The following RANBP3 variants were observed in gnomAD, a reference collection of about 807,000 sequenced individuals.
RANBP3 encodes ran-binding protein 3.
Under a neutral mutation model 77.3 loss-of-function variants are expected in RANBP3, and 14 were observed. The ratio of observed to expected loss-of-function variants is 0.18; its 90% CI spans 0.12 to 0.28. RANBP3 has a LOEUF of 0.28. Among genes scored for constraint, RANBP3 ranks in the 10% least tolerant of loss-of-function variants. RANBP3 has a pLI of 1.00. For missense variants in RANBP3, 586 were observed against 752.3 expected (o/e 0.78, Z 2.59); for synonymous variants, 315 against 312.4 (o/e 1.01, Z -0.09).
At chr19:5,940,755 G>A (rs1388710749) in intron 5 of RANBP3, among the ~76,000 whole-genome samples, 1 of 152,250 alleles carries the variant, frequency 6.6e-6, no homozygotes, top group Non-Finnish European at 1.5e-5. Context: ...GTATGTCCAA[G>A]TTGGCACTAC....
chr19:5,931,307 G>C, intron 8 of RANBP3, 97 bp downstream of exon 8: 2 of 1,428,892 alleles, frequency 1.4e-6, no homozygotes, highest in Non-Finnish European at 1.9e-6. Flanking sequence ...CTTGGAACAG[G>C]TGACAGCGTG....
chr19:5,948,444 C>T (rs2058235290), intron 3 of RANBP3, among the ~76,000 whole-genome samples: 1 of 149,454 alleles, frequency 6.7e-6, no homozygotes, highest in African/African-American at 2.5e-5. Flanking sequence ...CAGAGCGAGA[C>T]TCCATGTCAA....
intron 6 of RANBP3, chr19:5,932,762 C>T: frequency 1.8e-6 from 1 of 566,326 alleles, no homozygotes; most frequent in Non-Finnish European, 3.2e-6. Context: ...CAGTGACCGA[C>T]GCCTGTGAAT....
At chr19:5,977,250 G>A (rs1317629689) in intron 1 of RANBP3, among the ~76,000 whole-genome samples, 1 of 152,028 alleles carries the variant, frequency 6.6e-6, no homozygotes, top group African/African-American at 2.4e-5. Flanking sequence ...AAGCTACAGC[G>A]ATGGCAACAC....
chr19:5,932,818 C>CTGT lies in RANBP3; in HGVS notation c.473-275_473-274insACA. 3 of 474,308 alleles carry CTGT rather than the reference C, an allele frequency of 6.3e-6. No individual in the cohort carries two copies. The South Asian group carries it at 7.2e-5, about 11-fold the overall frequency. The allele number at this position is 474,308 out of a possible 1,614,324, so 29.4% of individuals were successfully genotyped here. ...CGTGGCGGGGCGCCGGCAGACTCAA[C>CTGT]AGTCAAGTGGAGACTGTGGGAGGAG... On this transcript the variant is annotated intron_variant, in intron 6 of 16. Transcript: ENST00000340578.
intron 1 of RANBP3, among the ~76,000 whole-genome samples, chr19:5,969,038 G>A (rs1443173085): frequency 3.3e-5 from 5 of 152,190 alleles, no homozygotes; most frequent in African/African-American, 1.2e-4. Context: ...GTGAAGGCAG[G>A]GGATCCCAGG....
rs1394133146 is a variant in RANBP3, at chr19:5,921,591, T to C, written c.1210-270A>G. Among the ~76,000 whole-genome samples, 2 of 152,218 alleles carry C rather than the reference T, an allele frequency of 1.3e-5. No individual in the cohort carries two copies. The highest frequency in any genetic ancestry group is 2.1e-4 in the South Asian group (1 of 4,834). ...GCGCACTCTAGGACGGCTATACCCA[T>C]GTGGGGAAGCTGGAACCCTCACACA... is the stretch of plus-strand genomic sequence containing the variant. On this transcript the variant is annotated intron_variant, in intron 13 of 16. Transcript: ENST00000340578. The surrounding 1 kb of genome is among the most constrained non-coding windows in gnomAD (Gnocchi z 5.3).
Position 5,933,659 on chromosome 19 carries a change from G to C in RANBP3, c.407-180C>G, listed in dbSNP as rs75234676. On this transcript the variant is annotated intron_variant, in intron 5 of 16. Coordinates refer to ENST00000340578, the MANE Select transcript of RANBP3 (RefSeq NM_007322.3). ...CGATCAGCAGGCCTGGAAGGCGCCT[G>C]GAGGAGGGGAGAGACAAGGGCAGGA... The C allele has an allele frequency of 7.0e-3, 3,776 of 542,720 alleles. 118 individuals carry two copies. Among genetic ancestry groups the C allele is most frequent in the African/African-American group, 0.067 (3,445 of 51,510 alleles). The allele number at this position is 542,720 out of a possible 1,614,324, so 33.6% of individuals were successfully genotyped here.
At chr19:5,953,715 G>T (rs1422535946) in intron 2 of RANBP3, among the ~76,000 whole-genome samples, 2 of 152,190 alleles carry the variant, frequency 1.3e-5, no homozygotes, top group Non-Finnish European at 2.9e-5. Flanking sequence ...AGGCAGTTAA[G>T]AAAGAAAGGT....
rs369320103 is a variant in RANBP3, at chr19:5,933,406, C to T, written c.472+8G>A. Reference sequence around the variant, plus strand: ...CCACCCCCCGCCCCAGGGAGGTAGACGACCTACCTGCGCTGGGGGCTTGGC... The same window carrying T: ...CCACCCCCCGCCCCAGGGAGGTAGATGACCTACCTGCGCTGGGGGCTTGGC... On this transcript the variant is annotated splice_region_variant and intron_variant, in intron 6 of 16. Transcript: ENST00000340578. 2.2e-5 allele frequency: 35 copies of T among 1,607,588 alleles called. No individual in the cohort carries two copies. The highest frequency in any genetic ancestry group is 1.7e-4 in the Middle Eastern group (1 of 6,056).
rs191712763 is a variant in RANBP3 at position 5,917,843 on chromosome 19, G to A, written c.1611C>T (p.Asp537=). Reference sequence around the variant, plus strand: ...CCAGGACATCGTCATCGTCGCTGTCGTCCTCCTCGTTGGATGGGGCTGCCC... The same window carrying A: ...CCAGGACATCGTCATCGTCGCTGTCATCCTCCTCGTTGGATGGGGCTGCCC... The part of the protein sequence containing the change: ...EPGAAPSNEE[D]DSDDDDVLAP... The change falls in exon 16 of 17, where the codon GAC becomes GAT. Residue 537 remains aspartate (D), a synonymous_variant. Transcript: ENST00000340578. The A allele has an allele frequency of 2.4e-5, 38 of 1,612,702 alleles. No homozygotes were observed. In the Admixed American group the frequency reaches 2.5e-4, roughly 11 times the overall value.
At chr19:5,945,655 G>A (rs918363147) in intron 3 of RANBP3, among the ~76,000 whole-genome samples, 27 of 152,028 alleles carry the variant, frequency 1.8e-4, no homozygotes, top group African/African-American at 5.6e-4. Context: ...CAACTCTTAC[G>A]GTTGACTCGA....
chr19:5,969,849 C>T (rs978515717), intron 1 of RANBP3, among the ~76,000 whole-genome samples: 1 of 152,256 alleles, frequency 6.6e-6, no homozygotes, highest in Non-Finnish European at 1.5e-5. Context: ...AAAGACTGTT[C>T]TTCCTGAAGA....
In RANBP3 at chr19:5,917,568, C is replaced by G; in HGVS notation, c.*42G>C. On this transcript the variant is annotated 3_prime_UTR_variant, in exon 17 of 17. Coordinates refer to ENST00000340578, the MANE Select transcript of RANBP3 (RefSeq NM_007322.3). ...GGGGGCGGGTGGGCGGGTGGATAGACGGACAAAGCAGCAGCCTGGTGTGCA... is the reference window on the plus strand; with the variant it reads ...GGGGGCGGGTGGGCGGGTGGATAGAGGGACAAAGCAGCAGCCTGGTGTGCA... 1 of 1,537,006 alleles carries G rather than the reference C, an allele frequency of 6.5e-7. No homozygotes were observed. The highest frequency in any genetic ancestry group is 2.4e-5 in the East Asian group (1 of 41,652).
chr19:5,933,334 G>A (rs1599738918), intron 6 of RANBP3, 80 bp downstream of exon 6: 15 of 1,147,498 alleles, frequency 1.3e-5, no homozygotes, highest in East Asian at 5.3e-5. Context: ...GGCTGAGCCC[G>A]CGGTGCCCTG....
intron 1 of RANBP3, among the ~76,000 whole-genome samples, chr19:5,961,382 G>A (rs989441798): frequency 6.6e-6 from 1 of 151,272 alleles, no homozygotes. Flanking sequence ...CTGCACTCCA[G>A]CCTGGGTGAC....
chr19:5,925,678 G>A lies in RANBP3; in HGVS notation c.873C>T (p.Asp291=). Residue 291 remains aspartate, a synonymous_variant, in exon 10 of 17, where the codon GAC becomes GAT. Coordinates refer to ENST00000340578, the MANE Select transcript of RANBP3 (RefSeq NM_007322.3). ...GGAAATAGTTCGTTGCGGTTGGCGT[G>A]TCTGCGCTGGGGTGTCCAGCATTCT... ...DMENAGHPSA[D]TPTATNYFLQ... 6.2e-7 allele frequency: 1 copy of A among 1,614,068 alleles called. No homozygotes were observed. The highest frequency in any genetic ancestry group is 8.5e-7 in the Non-Finnish European group (1 of 1,180,022).
rs1186297364 is a variant in RANBP3, at chr19:5,917,304, G to A, written c.*306C>T. On this transcript the variant is annotated 3_prime_UTR_variant, in exon 17 of 17. Transcript: ENST00000340578. ...CTGGCGACACGCGGGGTGAAGGAAC[G>A]AGGTCTCCAGTCCCAGTGAGAAGCC... is the stretch of plus-strand genomic sequence containing the variant. The A allele has an allele frequency of 1.3e-5, 6 of 445,668 alleles. No homozygotes were observed. Among genetic ancestry groups the A allele is most frequent in the East Asian group, 4.2e-5 (1 of 23,982 alleles). The allele number at this position is 445,668 out of a possible 1,614,324, so 27.6% of individuals were successfully genotyped here.
At chr19:5,923,066 G>A (rs751893257) in intron 13 of RANBP3, 128 bp downstream of exon 13, 73 of 714,206 alleles carry the variant, frequency 1.0e-4, no homozygotes, top group Non-Finnish European at 1.4e-4. Context: ...CCAGAGCGTG[G>A]GGCCAGTGGC....
Sources: allele counts gnomAD v4.1 joint callset (sites outside exome capture counted in the v4.1 genomes callset), GRCh38; gene constraint gnomAD v4.1.1; non-coding constraint Gnocchi (gnomAD v3.1); transcripts MANE v1.5; gene names NCBI Gene and HGNC (gene_info 2026-07-23, HGNC 2026-07-21).